GALNT18: variants seen among roughly 807,000 people sequenced by gnomAD.
The protein encoded by GALNT18 is polypeptide N-acetylgalactosaminyltransferase 18.
Under a neutral mutation model 69.5 loss-of-function variants are expected in GALNT18, and 44 were observed. The ratio of observed to expected loss-of-function variants is 0.63; its 90% CI spans 0.50 to 0.81. The LOEUF is 0.81. Ranked by LOEUF, GALNT18 falls within the 40% of genes least tolerant of loss-of-function variation. The probability of loss-of-function intolerance (pLI) is 0.00; values close to 1 mark genes in which losing one functional copy is unlikely to be tolerated. For missense variants in GALNT18, 715 were observed against 810.0 expected (o/e 0.88, Z 1.42); for synonymous variants, 364 against 318.2 (o/e 1.14, Z -1.53).
chr11:11,556,795 T>A (rs1320013735), intron 1 of GALNT18, among the ~76,000 whole-genome samples: 1 of 152,246 alleles, frequency 6.6e-6, no homozygotes, highest in African/African-American at 2.4e-5. Flanking sequence ...TAGAAAAATG[T>A]GCAGTAAACT....
chr11:11,413,722 C>A lies in GALNT18; in HGVS notation c.595+18899G>T, dbSNP rs1024064923. The stretch of plus-strand genomic sequence containing the variant: ...GGGTCCAGGCCCTGGTTCTTTGAAG[C>A]CTTGCTGTGTTATAACTAGGGTATT... On this transcript the variant is annotated intron_variant, in intron 3 of 10. Transcript: ENST00000227756. The surrounding 1 kb of genome is among the most constrained non-coding windows in gnomAD (Gnocchi z 4.7). 3.9e-5 allele frequency among the ~76,000 whole-genome samples: 6 copies of A among 152,172 alleles called. 1 individual carries two copies. In the East Asian group the frequency reaches 9.7e-4, roughly 24 times the overall value.
At chr11:11,353,570 T>C (rs1850465556) in intron 6 of GALNT18, among the ~76,000 whole-genome samples, 1 of 152,214 alleles carries the variant, frequency 6.6e-6, no homozygotes, top group Non-Finnish European at 1.5e-5. Context: ...TATTTCTTTT[T>C]TTATGTCTCT....
At chr11:11,434,137 G>C (rs1340606988) in intron 2 of GALNT18, among the ~76,000 whole-genome samples, 1 of 152,120 alleles carries the variant, frequency 6.6e-6, no homozygotes, top group African/African-American at 2.4e-5. Context: ...CTGCTTAAGA[G>C]CATGAGATTA....
chr11:11,459,782 A>G lies in GALNT18; in HGVS notation c.236-10846T>C, dbSNP rs1029221102. 3.9e-5 allele frequency among the ~76,000 whole-genome samples: 6 copies of G among 152,246 alleles called. No individual in the cohort carries two copies. The highest frequency in any genetic ancestry group is 1.2e-4 in the African/African-American group (5 of 41,466). On this transcript the variant is annotated intron_variant, in intron 1 of 10. Coordinates refer to ENST00000227756, the MANE Select transcript of GALNT18 (RefSeq NM_198516.3). This position sits in a 1 kb window ranked among gnomAD's most constrained non-coding sequence, Gnocchi z 5.0. Reference sequence around the variant, plus strand: ...TATTAATAGTTTCCTATGGTGCTCTAGCAAAAACCACAAACTTAGTAGCTT... The same window carrying G: ...TATTAATAGTTTCCTATGGTGCTCTGGCAAAAACCACAAACTTAGTAGCTT...
Position 11,621,140 on chromosome 11 carries a change from C to T in GALNT18, c.235+219G>A, listed in dbSNP as rs942031130. 6.6e-6 allele frequency among the ~76,000 whole-genome samples: 1 copy of T among 152,180 alleles called. No individual in the cohort carries two copies. The highest frequency in any genetic ancestry group is 2.4e-5 in the African/African-American group (1 of 41,460). On this transcript the variant is annotated intron_variant, in intron 1 of 10. Transcript: ENST00000227756. This position sits in a 1 kb window ranked among gnomAD's most constrained non-coding sequence, Gnocchi z 9.3. Reference sequence around the variant, plus strand: ...AGCTGCACACATCCGCTCGTGCAGCCCTGCGCACACACGTGTGCCCCGGGG... The same window carrying T: ...AGCTGCACACATCCGCTCGTGCAGCTCTGCGCACACACGTGTGCCCCGGGG...
chr11:11,306,972 T>G (rs182199444), intron 9 of GALNT18, among the ~76,000 whole-genome samples: 1 of 152,364 alleles, frequency 6.6e-6, no homozygotes, highest in African/African-American at 2.4e-5. Context: ...TGCCACCATG[T>G]GTAGAAGCCT....
At chr11:11,282,965 G>T (rs1389357426) in intron 10 of GALNT18, among the ~76,000 whole-genome samples, 1 of 152,146 alleles carries the variant, frequency 6.6e-6, no homozygotes, top group Non-Finnish European at 1.5e-5. Context: ...GAGGCAGACG[G>T]CAAGTGTAAG....
At chr11:11,304,409 CAG>C (rs2133020814) in intron 9 of GALNT18, among the ~76,000 whole-genome samples, 1 of 152,276 alleles carries the variant, frequency 6.6e-6, no homozygotes, top group South Asian at 2.1e-4. Flanking sequence ...TCTCAAACAC[CAG>C]ATATCTGACT....
chr11:11,447,596 T>G (rs1855685369), intron 2 of GALNT18, among the ~76,000 whole-genome samples: 1 of 152,216 alleles, frequency 6.6e-6, no homozygotes, highest in Non-Finnish European at 1.5e-5. Flanking sequence ...CTCACAGTTC[T>G]GCATGGCTGG....
At position 11,600,387 on chromosome 11, in the gene GALNT18, CTATTCTTTTGAAGAA is replaced by C. The variant is rs1859603679; in HGVS notation, c.235+20957_235+20971del. 6.6e-6 allele frequency among the ~76,000 whole-genome samples: 1 copy of C among 152,044 alleles called. No individual in the cohort carries two copies. Among genetic ancestry groups the C allele is most frequent in the South Asian group, 2.1e-4 (1 of 4,834 alleles). ...TATTTTGTATTCATTTTGTCTTCAACTATTCTTTTGAAGAATAGTTTTGCTGTGTAATGATTCTTG... is the reference window on the plus strand; with the variant it reads ...TATTTTGTATTCATTTTGTCTTCAACTAGTTTTGCTGTGTAATGATTCTTG... On this transcript the variant is annotated intron_variant, in intron 1 of 10. Transcript: ENST00000227756. This position sits in a 1 kb window ranked among gnomAD's most constrained non-coding sequence, Gnocchi z 4.8.
At position 11,351,756 on chromosome 11, in the gene GALNT18, ATTTTC is replaced by A. The variant is rs1443011888; in HGVS notation, c.1093-10757_1093-10753del. 0.011 allele frequency among the ~76,000 whole-genome samples: 401 copies of A among 36,950 alleles called. 3 individuals carry two copies. In the South Asian group the frequency reaches 0.12, roughly 11 times the overall value. 24.2% of individuals were successfully genotyped at this position (36,950 alleles called of 152,430 possible). A position where few individuals can be genotyped will look rare whatever the true frequency, so the allele number is the denominator to read the frequency against. ...AAATGTCATAGGGATTTGGGGAGCA[ATTTTC>A]TTTTTTTTTTTTTTCAGCCTATTAT... is the stretch of plus-strand genomic sequence containing the variant. On this transcript the variant is annotated intron_variant, in intron 6 of 10. Coordinates refer to ENST00000227756, the MANE Select transcript of GALNT18 (RefSeq NM_198516.3).
chr11:11,282,978 G>A (rs959477972), intron 10 of GALNT18, among the ~76,000 whole-genome samples: 10 of 152,112 alleles, frequency 6.6e-5, no homozygotes, highest in African/African-American at 2.4e-4. Context: ...AGTGTAAGAG[G>A]TGGCCAGGGA....
intron 10 of GALNT18, among the ~76,000 whole-genome samples, chr11:11,276,361 T>G (rs1247185110): frequency 2.6e-5 from 4 of 152,240 alleles, no homozygotes; most frequent in African/African-American, 9.6e-5. Flanking sequence ...ATGCTTGTGA[T>G]TTTTGCACAT....
intron 1 of GALNT18, among the ~76,000 whole-genome samples, chr11:11,565,349 T>C (rs1207203423): frequency 6.6e-6 from 1 of 152,216 alleles, no homozygotes; most frequent in African/African-American, 2.4e-5. Context: ...GGTGAAGGGC[T>C]GGAACAGGAC....
At chr11:11,391,691 C>T (rs940769207) in intron 3 of GALNT18, among the ~76,000 whole-genome samples, 3 of 152,156 alleles carry the variant, frequency 2.0e-5, no homozygotes, top group Non-Finnish European at 4.4e-5. Context: ...GAAGAGGGGG[C>T]CAGGGTATTT....
chr11:11,520,020 G>A (rs990445543), intron 1 of GALNT18, among the ~76,000 whole-genome samples: 2 of 152,212 alleles, frequency 1.3e-5, no homozygotes, highest in Non-Finnish European at 2.9e-5. Flanking sequence ...AGAGCTAGAG[G>A]CAGCCAGGGT....
rs998124969 is a variant in GALNT18 at position 11,523,898 on chromosome 11, C to T, written c.236-74962G>A. On this transcript the variant is annotated intron_variant, in intron 1 of 10. Transcript: ENST00000227756. This position sits in a 1 kb window ranked among gnomAD's most constrained non-coding sequence, Gnocchi z 4.3. ...AACCAGGCTCTCAGGTCACCAAGAA[C>T]ATCACCCCAAATCTTATTACTTCAG... Among the ~76,000 whole-genome samples the T allele has an allele frequency of 1.3e-5, 2 of 152,090 alleles. No homozygotes were observed. Among genetic ancestry groups the T allele is most frequent in the South Asian group, 4.2e-4 (2 of 4,806 alleles).
rs751023818 is a variant in GALNT18 at position 11,540,519 on chromosome 11, G to A, written c.235+80840C>T. Among the ~76,000 whole-genome samples the A allele has an allele frequency of 3.3e-5, 5 of 152,172 alleles. No homozygotes were observed. The highest frequency in any genetic ancestry group is 4.2e-4 in the South Asian group (2 of 4,812). On this transcript the variant is annotated intron_variant, in intron 1 of 10. Transcript: ENST00000227756. The surrounding 1 kb of genome is among the most constrained non-coding windows in gnomAD (Gnocchi z 4.6). ...GTTTCATTAGAAACTTTGGAATCAC[G>A]GCAATCATATAAGTAATACTGAGGC...
At chr11:11,287,077 A>C (rs956851945) in intron 10 of GALNT18, among the ~76,000 whole-genome samples, 1 of 152,142 alleles carries the variant, frequency 6.6e-6, no homozygotes, top group African/African-American at 2.4e-5. Context: ...GCAGCTCAAT[A>C]AATTGTTCCT....
Sources: gnomAD v4.1 joint callset for allele counts (sites outside exome capture counted in the v4.1 genomes callset) on GRCh38, gnomAD v4.1.1 for gene constraint, Gnocchi (gnomAD v3.1) non-coding constraint, MANE v1.5 for transcripts, NCBI Gene and HGNC (gene_info 2026-07-23, HGNC 2026-07-21) for gene names.